INPP5F: variants seen among roughly 807,000 people sequenced by gnomAD.
INPP5F encodes phosphatidylinositide 4-phosphatase SAC2.
A neutral mutation model predicts 137.2 loss-of-function variants in INPP5F; 97 were observed. The ratio of observed to expected loss-of-function variants is 0.71; its 90% CI spans 0.60 to 0.84. INPP5F has a LOEUF of 0.84. Among genes scored for constraint, INPP5F ranks in the 40% least tolerant of loss-of-function variants. The pLI is 0.00. For synonymous variants in INPP5F, 504 were observed against 476.9 expected (o/e 1.06, Z -0.74); for missense variants, 1,271 against 1,371.9 (o/e 0.93, Z 1.16).
intron 3 of INPP5F, among the ~76,000 whole-genome samples, chr10:119,786,240 T>G (rs188921722): frequency 2.2e-3 from 333 of 152,314 alleles, no homozygotes; most frequent in Admixed American, 4.1e-3. Flanking sequence ...GGCTGTGGTG[T>G]TGTCTTTTTG....
chr10:119,726,143 C>A lies in INPP5F; in HGVS notation c.-120C>A. On this transcript the variant is annotated 5_prime_UTR_variant, in exon 1 of 20. Coordinates refer to ENST00000650623, the MANE Select transcript of INPP5F (RefSeq NM_014937.4). ...CCCCGGGGCGTTCCCTCTGCCGCTG[C>A]TTCTCGGCGCGGTTCCTACCCGGCC... is the stretch of plus-strand genomic sequence containing the variant. The A allele has an allele frequency of 7.9e-6, 4 of 503,738 alleles. No homozygotes were observed. The highest frequency in any genetic ancestry group is 2.0e-5 in the African/African-American group (1 of 48,950). The allele number at this position is 503,738 out of a possible 1,614,324, so 31.2% of individuals were successfully genotyped here.
chr10:119,780,270 TTG>T (rs1849659028), intron 2 of INPP5F, among the ~76,000 whole-genome samples: 43 of 152,194 alleles, frequency 2.8e-4, no homozygotes, highest in Admixed American at 2.7e-3. Context: ...CTTTTATGCT[TTG>T]ATTTAATAAT....
At chr10:119,769,998 A>T (rs1849291201) in intron 2 of INPP5F, among the ~76,000 whole-genome samples, 1 of 152,140 alleles carries the variant, frequency 6.6e-6, no homozygotes, top group Non-Finnish European at 1.5e-5. Flanking sequence ...GTGGTATGAA[A>T]ATCTTTATCC....
At chr10:119,790,222 C>G (rs527589889) in intron 3 of INPP5F, among the ~76,000 whole-genome samples, 1 of 152,026 alleles carries the variant, frequency 6.6e-6, no homozygotes, top group African/African-American at 2.4e-5. Context: ...GAAACGATCA[C>G]AGAAAGAGGG....
chr10:119,761,590 T>G (rs1397811690), intron 2 of INPP5F, among the ~76,000 whole-genome samples: 1 of 152,028 alleles, frequency 6.6e-6, no homozygotes, highest in African/African-American at 2.4e-5. Flanking sequence ...AGTTTTTTTT[T>G]TTTTTTAAGA....
rs374141329 is a variant in INPP5F at position 119,798,786 on chromosome 10, CTTTTTTT to C, written c.1116+195_1116+201del. Among the ~76,000 whole-genome samples the C allele has an allele frequency of 1.4e-4, 14 of 100,710 alleles. No homozygotes were observed. In the South Asian group the frequency reaches 3.3e-3, roughly 24 times the overall value. 66.1% of individuals were successfully genotyped at this position (100,710 alleles called of 152,430 possible). A position where few individuals can be genotyped will look rare whatever the true frequency, so the allele number is the denominator to read the frequency against. ...TTAAGAATAATCATTGAGTCAGCTA[CTTTTTTT>C]TTTTTTTTTTTTTTTTTTAAAGAGA... On this transcript the variant is annotated intron_variant, in intron 9 of 19. Coordinates refer to ENST00000650623, the MANE Select transcript of INPP5F (RefSeq NM_014937.4).
intron 1 of INPP5F, among the ~76,000 whole-genome samples, chr10:119,745,431 G>A (rs1848502078): frequency 6.6e-6 from 1 of 150,502 alleles, no homozygotes; most frequent in African/African-American, 2.4e-5. Context: ...TAACCCAAGT[G>A]GGTTTCTTAC....
chr10:119,789,949 T>A (rs1321322704), intron 3 of INPP5F, among the ~76,000 whole-genome samples: 1 of 149,326 alleles, frequency 6.7e-6, no homozygotes, highest in Non-Finnish European at 1.5e-5. Flanking sequence ...CAGACGCTAC[T>A]GAGAGTTAAG....
At chr10:119,816,292 A>G (rs2134274905) in intron 15 of INPP5F, 1 of 152,130 alleles carries the variant, frequency 6.6e-6, no homozygotes, top group South Asian at 2.1e-4. Context: ...TTTCAAATAG[A>G]GAACTGTTAC....
At chr10:119,756,749 G>A (rs1163420522) in intron 2 of INPP5F, among the ~76,000 whole-genome samples, 1 of 150,740 alleles carries the variant, frequency 6.6e-6, no homozygotes, top group African/African-American at 2.4e-5. Flanking sequence ...GTTAGTGAAA[G>A]TTATTTTGTA....
Position 119,804,281 on chromosome 10 carries a change from G to T in INPP5F, c.1225G>T (p.Asp409Tyr). 2 of 1,611,692 alleles carry T rather than the reference G, an allele frequency of 1.2e-6. No homozygotes were observed. The highest frequency in any genetic ancestry group is 1.1e-5 in the South Asian group (1 of 90,540). The stretch of plus-strand genomic sequence containing the variant: ...CTCACACCTCACTTACGTTTCGTTT[G>T]ACTTCCATGAGCACTGGTAAGATGG... ...NNSHLTYVSFDFHEHCRGMKF... is the reference protein window; with the variant it reads ...NNSHLTYVSFYFHEHCRGMKF... The change falls in exon 10 of 20, where the codon GAC becomes TAC. Residue 409 changes from aspartate (D) to tyrosine (Y), a missense_variant. Physicochemically the swap from Asp to Tyr is radical, Grantham distance 160. This residue lies in a region of INPP5F where 593 missense variants were observed against 712.4 expected (regional missense o/e 0.83). Coordinates refer to ENST00000650623, the MANE Select transcript of INPP5F (RefSeq NM_014937.4).
intron 14 of INPP5F, 45 bp from the exon 15 acceptor site, chr10:119,811,712 A>G: frequency 1.4e-6 from 2 of 1,456,332 alleles, no homozygotes; most frequent in Non-Finnish European, 1.9e-6. Flanking sequence ...TTAAAAATAT[A>G]TTAGTAAACT....
intron 9 of INPP5F, among the ~76,000 whole-genome samples, chr10:119,801,289 T>C (rs945031361): frequency 5.9e-5 from 9 of 152,294 alleles, no homozygotes; most frequent in African/African-American, 2.2e-4. Context: ...ATTTAAAAAA[T>C]CCCACAAAAC....
Position 119,781,683 on chromosome 10 carries a change from A to G in INPP5F, c.227A>G (p.Lys76Arg), listed in dbSNP as rs774729115. The G allele has an allele frequency of 4.3e-6, 7 of 1,612,772 alleles. No individual in the cohort carries two copies. The African/African-American group carries it at 8.0e-5, about 18-fold the overall frequency. Residue 76 changes from lysine to arginine, a missense_variant, in exon 3 of 20, where the codon AAA (lysine) becomes AGA (arginine). By Grantham distance (26) the Lys-to-Arg change is conservative. Coordinates refer to ENST00000650623, the MANE Select transcript of INPP5F (RefSeq NM_014937.4). ...ILIRQKALVG[K>R]LPGDHEVCKV... The stretch of plus-strand genomic sequence containing the variant: ...ATTCGGCAGAAAGCATTGGTGGGCA[A>G]ACTCCCAGGAGACCATGAGGTCTGT...
At chr10:119,798,494 T>G (rs372727646) in intron 8 of INPP5F, 49 bp from the exon 9 acceptor site, 5 of 1,312,570 alleles carry the variant, frequency 3.8e-6, no homozygotes, top group Non-Finnish European at 4.4e-6. Flanking sequence ...GACACTAATA[T>G]GTCTTAAACA....
intron 9 of INPP5F, among the ~76,000 whole-genome samples, chr10:119,803,785 G>A (rs779895966): frequency 3.3e-5 from 5 of 152,140 alleles, no homozygotes; most frequent in African/African-American, 1.2e-4. Flanking sequence ...TCTATCATAT[G>A]CTTTATGTAC....
At chr10:119,772,445 T>C (rs1849393908) in intron 2 of INPP5F, among the ~76,000 whole-genome samples, 1 of 152,206 alleles carries the variant, frequency 6.6e-6, no homozygotes, top group African/African-American at 2.4e-5. Context: ...TACTAACCTT[T>C]AGCATGCCAT....
chr10:119,796,761 T>G lies in INPP5F; in HGVS notation c.716T>G (p.Val239Gly). The change falls in exon 7 of 20, where the codon GTG becomes GGG. Residue 239 changes from valine to glycine, a missense_variant. By Grantham distance (109) the Val-to-Gly change is moderately radical. Around this residue, in one of 6 missense-constraint regions of INPP5F, gnomAD observed 593 missense variants for 712.4 expected, o/e 0.83. Coordinates refer to ENST00000650623, the MANE Select transcript of INPP5F (RefSeq NM_014937.4). Reference sequence around the variant, plus strand: ...ATTATCCCCATGATCCAAGGTTTTGTGCAGATTGAAGAACTTGTGGTTAAT... The same window carrying G: ...ATTATCCCCATGATCCAAGGTTTTGGGCAGATTGAAGAACTTGTGGTTAAT... ...FWIIPMIQGF[V>G]QIEELVVNYT... is the part of the protein sequence containing the mutation. 1.9e-6 allele frequency: 3 copies of G among 1,613,756 alleles called. No homozygotes were observed. In the African/African-American group the frequency reaches 4.0e-5, roughly 22 times the overall value.
chr10:119,727,817 G>A (rs1847936272), intron 1 of INPP5F, among the ~76,000 whole-genome samples: 1 of 152,158 alleles, frequency 6.6e-6, no homozygotes. Context: ...TTGACCATTT[G>A]TCTGGCTTTC....
Sources: gnomAD v4.1 joint callset for allele counts (sites outside exome capture counted in the v4.1 genomes callset) on GRCh38, gnomAD v4.1.1 for gene constraint, gnomAD v4.1.1 regional missense constraint, MANE v1.5 for transcripts, NCBI Gene and HGNC (gene_info 2026-07-23, HGNC 2026-07-21) for gene names.